Variants in ATP4A observed in about 807,000 individuals in gnomAD.
ATP4A encodes the protein ATPase H+/K+ transporting subunit alpha.
Under a neutral mutation model 112.1 loss-of-function variants are expected in ATP4A, and 73 were observed. That is an observed-to-expected ratio of 0.65 (90% CI 0.54 to 0.79). ATP4A has a LOEUF of 0.79. ATP4A is among the 30% of genes least tolerant of loss of function. The pLI, the probability that ATP4A is intolerant of heterozygous loss-of-function variation, is 0.00. For synonymous variants in ATP4A, 588 were observed against 588.9 expected (o/e 1.00, Z 0.02); for missense variants, 1,081 against 1,425.9 (o/e 0.76, Z 3.90).
intron 3 of ATP4A, 31 bp from the exon 4 acceptor site, chr19:35,562,669 T>TG: frequency 6.5e-7 from 1 of 1,549,570 alleles, no homozygotes; most frequent in Non-Finnish European, 8.7e-7. Flanking sequence ...GAGGCGGTCC[T>TG]GGGGGCTTTC....
At chr19:35,563,090 C>G (rs1412906020) in intron 3 of ATP4A, 119 bp downstream of exon 3, 2 of 1,089,854 alleles carry the variant, frequency 1.8e-6, no homozygotes, top group East Asian at 2.9e-5. Flanking sequence ...CTCTATTTCT[C>G]CATATCTTCC....
At position 35,557,018 on chromosome 19, in the gene ATP4A, G is replaced by A; in HGVS notation, c.1764C>T (p.Asn588=). 1 of 1,614,240 alleles carries A rather than the reference G, an allele frequency of 6.2e-7. No individual in the cohort carries two copies. Among genetic ancestry groups the A allele is most frequent in the Non-Finnish European group, 8.5e-7 (1 of 1,180,040 alleles). The part of the protein sequence containing the change: ...PGYAFDVEAM[N]FPSSGLCFAG... ...CAAAGCAGAGGCCGCTAGATGGAAA[G>A]TTCATGGCCTCTACGTCGAAGGCAT... The change falls in exon 12 of 22, where the codon AAC becomes AAT. Residue 588 remains asparagine (N), a synonymous_variant. Transcript: ENST00000262623. The surrounding 1 kb of genome is among the most constrained non-coding windows in gnomAD (Gnocchi z 4.4).
chr19:35,556,460 C>T (rs2071632035), intron 12 of ATP4A, among the ~76,000 whole-genome samples: 1 of 152,166 alleles, frequency 6.6e-6, no homozygotes, highest in African/African-American at 2.4e-5. Flanking sequence ...CAGTGAGGTC[C>T]CTGGCTAAGA....
Position 35,557,170 on chromosome 19 carries a change from GC to G in ATP4A, c.1694-83del. On this transcript the variant is annotated intron_variant, in intron 11 of 21. Transcript: ENST00000262623. This position sits in a 1 kb window ranked among gnomAD's most constrained non-coding sequence, Gnocchi z 4.4. ...GCCAGGAAATGGGTAAAATAACCAG[GC>G]CCCTTGCACCAAACACCTATGGATG... is the stretch of plus-strand genomic sequence containing the variant. 1.4e-5 allele frequency: 22 copies of G among 1,517,678 alleles called. No individual in the cohort carries two copies. Among genetic ancestry groups the G allele is most frequent in the Non-Finnish European group, 2.0e-5 (22 of 1,106,304 alleles). 94.0% of individuals were successfully genotyped at this position (1,517,678 alleles called of 1,614,324 possible). A position where few individuals can be genotyped will look rare whatever the true frequency, so the allele number is the denominator to read the frequency against.
At position 35,560,553 on chromosome 19, in the gene ATP4A, G is replaced by T. The variant is rs199859429; in HGVS notation, c.597C>A (p.Gly199=). 2.9e-5 allele frequency: 46 copies of T among 1,612,474 alleles called. No individual in the cohort carries two copies. Among genetic ancestry groups the T allele is most frequent in the Non-Finnish European group, 3.8e-5 (45 of 1,179,768 alleles). Residue 199 remains glycine (G), a synonymous_variant, in exon 6 of 22, where the codon GGC becomes GGA. Coordinates refer to ENST00000262623, the MANE Select transcript of ATP4A (RefSeq NM_000704.3). This position sits in a 1 kb window ranked among gnomAD's most constrained non-coding sequence, Gnocchi z 5.1. ...CCCCACCTTTCATCTCCACCAGGTC[G>T]CCCACCACCAGTTGGTCAGCGTTGA... ...FQINADQLVV[G]DLVEMKGGDR...
Position 35,550,649 on chromosome 19 carries a change from A to C in ATP4A, c.3080-6T>G, listed in dbSNP as rs202135610. On this transcript the variant is annotated splice_polypyrimidine_tract_variant and splice_region_variant and intron_variant, in intron 21 of 21. Transcript: ENST00000262623. The surrounding 1 kb of genome is among the most constrained non-coding windows in gnomAD (Gnocchi z 4.1). ...GAGTTCCTGGTCCCACCAGCCTGGG[A>C]GAGAGAGGGAGAAAGGAGACTCAGT... 1.9e-6 allele frequency: 3 copies of C among 1,613,712 alleles called. No individual in the cohort carries two copies. In the East Asian group the frequency reaches 6.7e-5, roughly 36 times the overall value.
chr19:35,557,032 C>G lies in ATP4A; in HGVS notation c.1750G>C (p.Val584Leu), dbSNP rs1392141891. 6.2e-7 allele frequency: 1 copy of G among 1,614,066 alleles called. No homozygotes were observed. Among genetic ancestry groups the G allele is most frequent in the Non-Finnish European group, 8.5e-7 (1 of 1,180,048 alleles). Residue 584 changes from valine (V) to leucine (L), a missense_variant, in exon 12 of 22, where the codon GTA becomes CTA. Physicochemically the swap from Val to Leu is conservative, Grantham distance 32. Coordinates refer to ENST00000262623, the MANE Select transcript of ATP4A (RefSeq NM_000704.3). This position sits in a 1 kb window ranked among gnomAD's most constrained non-coding sequence, Gnocchi z 4.4. Reference protein sequence around the residue: ...KDYPPGYAFDVEAMNFPSSGL... With the variant: ...KDYPPGYAFDLEAMNFPSSGL... Reference sequence around the variant, plus strand: ...CTAGATGGAAAGTTCATGGCCTCTACGTCGAAGGCATAGCCAGGCGGGTAG... The same window carrying G: ...CTAGATGGAAAGTTCATGGCCTCTAGGTCGAAGGCATAGCCAGGCGGGTAG...
At position 35,558,895 on chromosome 19, in the gene ATP4A, C is replaced by T. The variant is rs955466875; in HGVS notation, c.1255+98G>A. The T allele has an allele frequency of 2.2e-5, 33 of 1,474,000 alleles. No individual in the cohort carries two copies. Among genetic ancestry groups the T allele is most frequent in the Non-Finnish European group, 2.9e-5 (31 of 1,074,218 alleles). The allele number at this position is 1,474,000 out of a possible 1,614,324, so 91.3% of individuals were successfully genotyped here. On this transcript the variant is annotated intron_variant, in intron 8 of 21. Transcript: ENST00000262623. The surrounding 1 kb of genome is among the most constrained non-coding windows in gnomAD (Gnocchi z 5.1). ...TTTGAGACCTGGAGCCGAGCCGCCCCGCCTTCGTACAAAGCCCTCCCTACC... is the reference window on the plus strand; with the variant it reads ...TTTGAGACCTGGAGCCGAGCCGCCCTGCCTTCGTACAAAGCCCTCCCTACC...
Position 35,555,678 on chromosome 19 carries a change from G to T in ATP4A, c.2004C>A (p.Arg668=). 1 of 1,598,968 alleles carries T rather than the reference G, an allele frequency of 6.3e-7. No homozygotes were observed. The change falls in exon 13 of 22, where the codon CGC becomes CGA. Residue 668 remains arginine, a splice_region_variant and synonymous_variant. Coordinates refer to ENST00000262623, the MANE Select transcript of ATP4A (RefSeq NM_000704.3). The surrounding 1 kb of genome is among the most constrained non-coding windows in gnomAD (Gnocchi z 6.6). ...CGGGGAGGTCTGGGGGGGCTTACTT[G>T]CGATTAACCTGGTCTACGGGCACAC... ...RLRVPVDQVN[R]KDARACVING...
In ATP4A at chr19:35,551,023, A is replaced by G; in HGVS notation, c.2974T>C (p.Phe992Leu). ...YCPGMPNIFN[F>L]MPIRFQWWLV... ...ACAGCCTCTCACCGAATGGGCATGA[A>G]GTTGAAGATGTTGGGCATGCCGGGG... The change falls in exon 20 of 22, where the codon TTC becomes CTC. Residue 992 changes from phenylalanine to leucine, a missense_variant. Phe to Leu is a conservative substitution (Grantham distance 22). Transcript: ENST00000262623. This position sits in a 1 kb window ranked among gnomAD's most constrained non-coding sequence, Gnocchi z 5.2. 2 of 1,613,976 alleles carry G rather than the reference A, an allele frequency of 1.2e-6. No homozygotes were observed. Among genetic ancestry groups the G allele is most frequent in the East Asian group, 2.2e-5 (1 of 44,872 alleles).
chr19:35,553,402 G>A (rs557292584), intron 17 of ATP4A, among the ~76,000 whole-genome samples: 156 of 152,122 alleles, frequency 1.0e-3, no homozygotes, highest in African/African-American at 3.6e-3. Context: ...AGAGAGAGAA[G>A]CAGGGACAGA....
Position 35,559,372 on chromosome 19 carries a change from C to G in ATP4A, c.1057-181G>C, listed in dbSNP as rs2071653566. On this transcript the variant is annotated intron_variant, in intron 7 of 21. Transcript: ENST00000262623. The surrounding 1 kb of genome is among the most constrained non-coding windows in gnomAD (Gnocchi z 4.1). ...TTCAGCCAGTGCTTTGTTTGGGACT[C>G]CTTCCCCAGTCTGCCCAGATACAGT... Among the ~76,000 whole-genome samples, 1 of 152,268 alleles carries G rather than the reference C, an allele frequency of 6.6e-6. No homozygotes were observed. Among genetic ancestry groups the G allele is most frequent in the Non-Finnish European group, 1.5e-5 (1 of 68,054 alleles).
chr19:35,550,633 G>T lies in ATP4A; in HGVS notation c.3090C>A (p.Asp1030Glu). 6.2e-7 allele frequency: 1 copy of T among 1,613,816 alleles called. No homozygotes were observed. Among genetic ancestry groups the T allele is most frequent in the Non-Finnish European group, 8.5e-7 (1 of 1,179,836 alleles). ...GVRCCPGSWW[D>E]QELYY ...CGTCCCTCTAATAGTAGAGTTCCTG[G>T]TCCCACCAGCCTGGGAGAGAGAGGG... Residue 1030 changes from aspartate to glutamate, a missense_variant, in exon 22 of 22, where the codon GAC (aspartate) becomes GAA (glutamate). By Grantham distance (45) the Asp-to-Glu change is conservative. Coordinates refer to ENST00000262623, the MANE Select transcript of ATP4A (RefSeq NM_000704.3). This position sits in a 1 kb window ranked among gnomAD's most constrained non-coding sequence, Gnocchi z 4.1.
Position 35,551,353 on chromosome 19 carries a change from G to C in ATP4A, c.2885+94C>G, listed in dbSNP as rs373965852. On this transcript the variant is annotated intron_variant, in intron 19 of 21. Coordinates refer to ENST00000262623, the MANE Select transcript of ATP4A (RefSeq NM_000704.3). This position sits in a 1 kb window ranked among gnomAD's most constrained non-coding sequence, Gnocchi z 5.2. ...ATGTCACCATCTGGCACTGGCACCCGCTGGCATTTGCCGGCTGTTCTAAAC... is the reference window on the plus strand; with the variant it reads ...ATGTCACCATCTGGCACTGGCACCCCCTGGCATTTGCCGGCTGTTCTAAAC... The C allele has an allele frequency of 6.2e-4, 988 of 1,584,632 alleles. 12 individuals carry two copies. The South Asian group carries it at 0.01, about 17-fold the overall frequency.
chr19:35,556,347 C>T (rs1002839769), intron 12 of ATP4A, among the ~76,000 whole-genome samples: 5 of 152,278 alleles, frequency 3.3e-5, no homozygotes, highest in East Asian at 1.9e-4. Flanking sequence ...GTAACAGGGC[C>T]GTAGAGACAC....
At position 35,555,198 on chromosome 19, in the gene ATP4A, T is replaced by C; in HGVS notation, c.2294A>G (p.Asn765Ser). 2 of 1,614,178 alleles carry C rather than the reference T, an allele frequency of 1.2e-6. No homozygotes were observed. The highest frequency in any genetic ancestry group is 1.7e-6 in the Non-Finnish European group (2 of 1,180,022). The change falls in exon 15 of 22, where the codon AAC becomes AGC. Residue 765 changes from asparagine (N) to serine (S), a missense_variant. Around this residue, in one of 3 missense-constraint regions of ATP4A, gnomAD observed 850 missense variants for 1,068.2 expected, o/e 0.80. Coordinates refer to ENST00000262623, the MANE Select transcript of ATP4A (RefSeq NM_000704.3). The surrounding 1 kb of genome is among the most constrained non-coding windows in gnomAD (Gnocchi z 6.6). The stretch of plus-strand genomic sequence containing the variant: ...CACGCCTGTCACAATGGAGGCAAAG[T>C]TGTCATCCAGCAGGATCATGTCAGC... ...NAADMILLDD[N>S]FASIVTGVEQ...
At position 35,555,589 on chromosome 19, in the gene ATP4A, C is replaced by T. The variant is rs1459787937; in HGVS notation, c.2008G>A (p.Asp670Asn). The change falls in exon 14 of 22, where the codon GAT (aspartate) becomes AAT (asparagine). Residue 670 changes from aspartate to asparagine, a missense_variant and splice_region_variant. Asp to Asn is a conservative substitution (Grantham distance 23). Coordinates refer to ENST00000262623, the MANE Select transcript of ATP4A (RefSeq NM_000704.3). This position sits in a 1 kb window ranked among gnomAD's most constrained non-coding sequence, Gnocchi z 6.6. The stretch of plus-strand genomic sequence containing the variant: ...CCATTGATCACACAGGCACGGGCAT[C>T]CCTGGGGAGGAGATGGGAGGACCTC... ...RVPVDQVNRKDARACVINGMQ... is the reference protein window; with the variant it reads ...RVPVDQVNRKNARACVINGMQ... 1.9e-6 allele frequency: 3 copies of T among 1,578,580 alleles called. No individual in the cohort carries two copies. The highest frequency in any genetic ancestry group is 2.3e-5 in the East Asian group (1 of 44,290).
Position 35,560,848 on chromosome 19 carries a change from T to C in ATP4A, c.505A>G (p.Ile169Val), listed in dbSNP as rs2071666477. 30 of 1,613,940 alleles carry C rather than the reference T, an allele frequency of 1.9e-5. No homozygotes were observed. The highest frequency in any genetic ancestry group is 2.5e-5 in the Non-Finnish European group (30 of 1,179,946). Residue 169 changes from isoleucine to valine, a missense_variant, in exon 5 of 22, where the codon ATC becomes GTC. Physicochemically the swap from Ile to Val is conservative, Grantham distance 29. Around this residue, in one of 3 missense-constraint regions of ATP4A, gnomAD observed 850 missense variants for 1,068.2 expected, o/e 0.80. Coordinates refer to ENST00000262623, the MANE Select transcript of ATP4A (RefSeq NM_000704.3). This position sits in a 1 kb window ranked among gnomAD's most constrained non-coding sequence, Gnocchi z 5.1. ...YYQEFKSTNI[I>V]ASFKNLVPQQ... The stretch of plus-strand genomic sequence containing the variant: ...GGCACAAGGTTCTTAAAGCTGGCGA[T>C]GATGTTGGTGCTCTTGAATTCCTGG...
Position 35,551,384 on chromosome 19 carries a change from T to C in ATP4A, c.2885+63A>G. On this transcript the variant is annotated intron_variant, in intron 19 of 21. Coordinates refer to ENST00000262623, the MANE Select transcript of ATP4A (RefSeq NM_000704.3). The surrounding 1 kb of genome is among the most constrained non-coding windows in gnomAD (Gnocchi z 5.2). ...ATTTGCCGGCTGTTCTAAACCACAG[T>C]CAGGATCTGATGGGAGTTGGGACCA... is the stretch of plus-strand genomic sequence containing the variant. The C allele has an allele frequency of 1.9e-6, 3 of 1,611,122 alleles. No individual in the cohort carries two copies. The highest frequency in any genetic ancestry group is 2.5e-6 in the Non-Finnish European group (3 of 1,178,936).
Sources: allele counts gnomAD v4.1 joint callset (sites outside exome capture counted in the v4.1 genomes callset), GRCh38; gene constraint gnomAD v4.1.1; regional missense constraint gnomAD v4.1.1; non-coding constraint Gnocchi (gnomAD v3.1); transcripts MANE v1.5; gene names NCBI Gene and HGNC (gene_info 2026-07-23, HGNC 2026-07-21).